The following RNLS variants were observed in gnomAD, a reference collection of about 807,000 sequenced individuals.
RNLS encodes the protein renalase.
In RNLS, 39 loss-of-function variants were observed where a neutral mutation model predicts 39.8. That is an observed-to-expected ratio of 0.98 (90% CI 0.76 to 1.28). RNLS has a LOEUF of 1.28. Ranked by LOEUF, RNLS falls within the 50% of genes most tolerant of loss-of-function variation. The probability of loss-of-function intolerance (pLI) is 0.00; values close to 1 mark genes in which losing one functional copy is unlikely to be tolerated. For synonymous variants in RNLS, 147 were observed against 150.7 expected, an observed-to-expected ratio of 0.98 and a Z score of 0.18; for missense variants, 410 against 413.3, an observed-to-expected ratio of 0.99 and a Z score of 0.07.
chr10:88,473,422 T>C (rs1205950159), intron 4 of RNLS, among the ~76,000 whole-genome samples: 1 of 151,762 alleles, frequency 6.6e-6, no homozygotes, highest in Non-Finnish European at 1.5e-5. Flanking sequence ...TTCTGGGTAG[T>C]AAAACACACA....
chr10:88,306,035 C>G (rs1325116096), intron 6 of RNLS, among the ~76,000 whole-genome samples: 2 of 152,098 alleles, frequency 1.3e-5, no homozygotes, highest in African/African-American at 4.8e-5. Context: ...CACTCAAAAC[C>G]ATATAGTTAC....
intron 4 of RNLS, among the ~76,000 whole-genome samples, chr10:88,460,468 T>A (rs1446253492): frequency 2.6e-5 from 4 of 152,136 alleles, no homozygotes; most frequent in Admixed American, 2.6e-4. Context: ...TGAGGTCTCA[T>A]CAACCTCATT....
intron 5 of RNLS, among the ~76,000 whole-genome samples, chr10:88,359,392 G>A (rs1377735008): frequency 1.3e-5 from 2 of 151,900 alleles, no homozygotes; most frequent in Admixed American, 1.3e-4. Context: ...TACATTACAT[G>A]GGCATTTGTA....
At chr10:88,210,845 G>A in the RNLS span, among the ~76,000 whole-genome samples, 1 of 152,134 alleles carries the variant, frequency 6.6e-6, no homozygotes, top group South Asian at 2.1e-4. Flanking sequence ...TTGTGGGACT[G>A]TGTTCCCCCT....
intron 4 of RNLS, among the ~76,000 whole-genome samples, chr10:88,423,037 C>T (rs1854503219): frequency 6.6e-6 from 1 of 152,300 alleles, no homozygotes; most frequent in South Asian, 2.1e-4. Context: ...GTGTGAGCCA[C>T]GGTGCCTGGC....
intron 6 of RNLS, chr10:88,309,372 G>A (rs1845184699): frequency 2.4e-6 from 3 of 1,266,378 alleles, no homozygotes; most frequent in Non-Finnish European, 3.1e-6. Context: ...GCTGAAATTA[G>A]ACACTATTAC....
intron 4 of RNLS, among the ~76,000 whole-genome samples, chr10:88,404,784 A>G (rs2133663121): frequency 6.6e-6 from 1 of 152,190 alleles, no homozygotes; most frequent in South Asian, 2.1e-4. Flanking sequence ...TACCTCGTTT[A>G]TTCTTAGGTA....
intron 4 of RNLS, among the ~76,000 whole-genome samples, chr10:88,511,480 G>C (rs529245399): frequency 6.6e-6 from 1 of 152,176 alleles, no homozygotes; most frequent in Non-Finnish European, 1.5e-5. Flanking sequence ...TGGAATTCCT[G>C]AGCAGACTGG....
At chr10:88,263,151 A>C in the RNLS span, among the ~76,000 whole-genome samples, 1 of 152,078 alleles carries the variant, frequency 6.6e-6, no homozygotes, top group Non-Finnish European at 1.5e-5. Context: ...AATAATAAAG[A>C]TGTTGAAAGA....
intron 4 of RNLS, among the ~76,000 whole-genome samples, chr10:88,469,822 CGTGTGTGTGTGTGTGT>C (rs199651876): frequency 3.6e-5 from 5 of 138,128 alleles, no homozygotes; most frequent in East Asian, 2.1e-4. Context: ...TATGTGTGTG[CGTGTGTGTGTGTGTGT>C]GTGTGTGTGT....
At chr10:88,184,003 A>C in the RNLS span, among the ~76,000 whole-genome samples, 1 of 152,306 alleles carries the variant, frequency 6.6e-6, no homozygotes, top group East Asian at 1.9e-4. Flanking sequence ...AAGTTAACAC[A>C]GAGGAAAAAA....
chr10:88,227,342 A>G, the RNLS span, among the ~76,000 whole-genome samples: 1 of 152,342 alleles, frequency 6.6e-6, no homozygotes, highest in South Asian at 2.1e-4. Context: ...TGAAATGAAC[A>G]ATAGTTGGGA....
intron 4 of RNLS, among the ~76,000 whole-genome samples, chr10:88,565,276 T>G (rs1284847852): frequency 1.3e-5 from 2 of 152,150 alleles, no homozygotes; most frequent in African/African-American, 4.8e-5. Flanking sequence ...TTTCACACAC[T>G]AGATGGCAAT....
chr10:88,309,630 C>CT (rs750180285), intron 6 of RNLS, among the ~76,000 whole-genome samples: 1 of 152,126 alleles, frequency 6.6e-6, no homozygotes, highest in Non-Finnish European at 1.5e-5. Flanking sequence ...AGGGCAAAGA[C>CT]TTCCTTGTTT....
the RNLS span, among the ~76,000 whole-genome samples, chr10:88,242,339 A>G: frequency 6.6e-6 from 1 of 152,206 alleles, no homozygotes; most frequent in Non-Finnish European, 1.5e-5. Flanking sequence ...AAAGTAGTTT[A>G]TGTTCAGACA....
chr10:88,419,493 C>A (rs1423947757), intron 4 of RNLS, among the ~76,000 whole-genome samples: 1 of 152,146 alleles, frequency 6.6e-6, no homozygotes, highest in African/African-American at 2.4e-5. Context: ...AAGACTGATT[C>A]AATGTTTTCT....
the RNLS span, among the ~76,000 whole-genome samples, chr10:88,182,983 A>C: frequency 6.6e-6 from 1 of 152,134 alleles, no homozygotes; most frequent in South Asian, 2.1e-4. Context: ...TTTTCTGTAA[A>C]CTCATTAAAC....
the RNLS span, among the ~76,000 whole-genome samples, chr10:88,224,545 G>A: frequency 6.6e-6 from 1 of 152,166 alleles, no homozygotes; most frequent in African/African-American, 2.4e-5. Context: ...TGGGCACTCT[G>A]TCTGTTGGAT....
At chr10:88,552,240 A>G (rs970815215) in intron 4 of RNLS, among the ~76,000 whole-genome samples, 18 of 152,222 alleles carry the variant, frequency 1.2e-4, no homozygotes, top group African/African-American at 4.3e-4. Flanking sequence ...TAAGAAAGGC[A>G]GAAGAAATGA....
Sources: gnomAD v4.1 joint callset for allele counts (sites outside exome capture counted in the v4.1 genomes callset) on GRCh38, gnomAD v4.1.1 for gene constraint, MANE v1.5 for transcripts, NCBI Gene and HGNC (gene_info 2026-07-23, HGNC 2026-07-21) for gene names.